The following PCDHGA6 variants were observed in gnomAD, a reference collection of about 807,000 sequenced individuals.
The protein encoded by PCDHGA6 is protocadherin gamma-A6.
A neutral mutation model predicts 60.6 loss-of-function variants in PCDHGA6; 41 were observed. The ratio of observed to expected loss-of-function variants is 0.68; its 90% confidence interval spans 0.53 to 0.88. The LOEUF (loss-of-function observed/expected upper bound fraction) is 0.88, where lower values mean the gene tolerates loss of function less well. Ranked by LOEUF, PCDHGA6 falls within the 40% of genes least tolerant of loss-of-function variation. PCDHGA6 has a pLI of 0.00. For synonymous variants in PCDHGA6, 594 were observed against 524.4 expected (o/e 1.13, Z -1.81); for missense variants, 1,312 against 1,203.0 (o/e 1.09, Z -1.34).
chr5:141,375,726 T>C lies in PCDHGA6; in HGVS notation c.1643T>C (p.Leu548Pro), dbSNP rs1771809693. The change falls in exon 1 of 4, where the codon CTG becomes CCG. Residue 548 changes from leucine (L) to proline (P), a missense_variant. Transcript: ENST00000517434. Reference sequence around the variant, plus strand: ...CCGCCTCTTAGCAGCAACGTGTCACTGAGCCTGTTTGTGCTGGACCAGAAT... The same window carrying C: ...CCGCCTCTTAGCAGCAACGTGTCACCGAGCCTGTTTGTGCTGGACCAGAAT... ...GDPPLSSNVS[L>P]SLFVLDQNDN... 1 of 1,614,262 alleles carries C rather than the reference T, an allele frequency of 6.2e-7. No individual in the cohort carries two copies. Among genetic ancestry groups the C allele is most frequent in the East Asian group, 2.2e-5 (1 of 44,884 alleles).
chr5:141,457,877 C>A (rs1488774514), intron 1 of PCDHGA6, among the ~76,000 whole-genome samples: 1 of 152,196 alleles, frequency 6.6e-6, no homozygotes, highest in Admixed American at 6.6e-5. Context: ...AGGTTAGGAA[C>A]CCTGTGTGGG....
intron 1 of PCDHGA6, chr5:141,409,996 G>A (rs1561724976): frequency 6.2e-7 from 1 of 1,613,132 alleles, no homozygotes; most frequent in Non-Finnish European, 8.5e-7. Context: ...ACGCCGACTC[G>A]GGACACAACG....
At chr5:141,409,745 T>C (rs968473065) in intron 1 of PCDHGA6, 8 of 1,613,074 alleles carry the variant, frequency 5.0e-6, no homozygotes, top group Non-Finnish European at 6.8e-6. Context: ...CGGGGTGGTG[T>C]TCGCGCAGCG....
At chr5:141,475,571 G>A (rs1426547386) in intron 1 of PCDHGA6, among the ~76,000 whole-genome samples, 1 of 152,212 alleles carries the variant, frequency 6.6e-6, no homozygotes, top group East Asian at 1.9e-4. Context: ...CTTCCAACAA[G>A]CCAGATTTGT....
chr5:141,408,240 C>T (rs1012868761), intron 1 of PCDHGA6: 89 of 1,578,820 alleles, frequency 5.6e-5, no homozygotes, highest in Non-Finnish European at 7.3e-5. Context: ...CGGGCCGGCC[C>T]GCGGCAGGTG....
intron 1 of PCDHGA6, among the ~76,000 whole-genome samples, chr5:141,444,058 C>A (rs2154560450): frequency 6.8e-6 from 1 of 147,774 alleles, no homozygotes; most frequent in East Asian, 2.0e-4. Context: ...CATCTTCAAT[C>A]TAGATTCTGA....
At position 141,482,865 on chromosome 5, in the gene PCDHGA6, A is replaced by G. The variant is rs557581796; in HGVS notation, c.2425-11942A>G. ...GGTGGGCAGATCACTTGAGGTCAGG[A>G]GTTTGAAACCAGCCTGGCCAACATG... On this transcript the variant is annotated intron_variant, in intron 1 of 3. Coordinates refer to ENST00000517434, the MANE Select transcript of PCDHGA6 (RefSeq NM_018919.3). Among the ~76,000 whole-genome samples, 66 of 152,206 alleles carry G rather than the reference A, an allele frequency of 4.3e-4. 1 individual carries two copies. Among genetic ancestry groups the G allele is most frequent in the African/African-American group, 1.5e-3 (61 of 41,516 alleles).
intron 1 of PCDHGA6, chr5:141,415,323 G>C: frequency 1.9e-6 from 3 of 1,614,236 alleles, no homozygotes; most frequent in South Asian, 2.2e-5. Flanking sequence ...TCGTGCTGCT[G>C]GCGCACAGGC....
chr5:141,379,967 T>C (rs1362425240), intron 1 of PCDHGA6, among the ~76,000 whole-genome samples: 1 of 142,578 alleles, frequency 7.0e-6, no homozygotes, highest in Non-Finnish European at 1.5e-5. Context: ...TGGTGTGATC[T>C]CTGCTCACTG....
At position 141,424,003 on chromosome 5, in the gene PCDHGA6, T is replaced by C. The variant is rs150506228; in HGVS notation, c.2424+47496T>C. 5.3e-3 allele frequency: 5,614 copies of C among 1,067,752 alleles called. 27 individuals carry two copies. The highest frequency in any genetic ancestry group is 0.01 in the Admixed American group (195 of 19,092). 66.1% of individuals were successfully genotyped at this position (1,067,752 alleles called of 1,614,324 possible). A position where few individuals can be genotyped will look rare whatever the true frequency, so the allele number is the denominator to read the frequency against. ...AGGCTCTCAATTTATTATATATAGA[T>C]ACAAATTAATGATTCACAAACACTT... On this transcript the variant is annotated intron_variant, in intron 1 of 3. Transcript: ENST00000517434.
Position 141,491,531 on chromosome 5 carries a change from T to G in PCDHGA6, c.2425-3276T>G, listed in dbSNP as rs532897059. On this transcript the variant is annotated intron_variant, in intron 1 of 3. Coordinates refer to ENST00000517434, the MANE Select transcript of PCDHGA6 (RefSeq NM_018919.3). This position sits in a 1 kb window ranked among gnomAD's most constrained non-coding sequence, Gnocchi z 6.9. ...ACGCTCAAGTACATGGAGGTGACGC[T>G]GCGGCCCACAGACTCGCAGAGCCAC... The G allele has an allele frequency of 6.2e-7, 1 of 1,614,044 alleles. No homozygotes were observed. The highest frequency in any genetic ancestry group is 1.7e-5 in the Admixed American group (1 of 60,028).
intron 1 of PCDHGA6, chr5:141,389,559 C>T (rs1388057704): frequency 1.2e-6 from 2 of 1,613,274 alleles, no homozygotes; most frequent in East Asian, 2.2e-5. Flanking sequence ...CAATGCGCCA[C>T]GGGTGCTGTA....
intron 1 of PCDHGA6, chr5:141,423,517 T>G (rs750915364): frequency 1.9e-6 from 3 of 1,613,716 alleles, no homozygotes; most frequent in Non-Finnish European, 2.5e-6. Flanking sequence ...CATTGCGGAC[T>G]CGCAGAAGAG....
At chr5:141,425,484 TA>T (rs929097245) in intron 1 of PCDHGA6, among the ~76,000 whole-genome samples, 1 of 152,258 alleles carries the variant, frequency 6.6e-6, no homozygotes, top group African/African-American at 2.4e-5. Context: ...TATGGCAACC[TA>T]CTAGGCTATA....
chr5:141,421,420 G>C, intron 1 of PCDHGA6: 1 of 1,614,084 alleles, frequency 6.2e-7, no homozygotes, highest in Non-Finnish European at 8.5e-7. Context: ...GAAGCGCGGA[G>C]TCCGCATCGT....
chr5:141,400,121 A>C lies in PCDHGA6; in HGVS notation c.2424+23614A>C. On this transcript the variant is annotated intron_variant, in intron 1 of 3. Coordinates refer to ENST00000517434, the MANE Select transcript of PCDHGA6 (RefSeq NM_018919.3). Reference sequence around the variant, plus strand: ...CACTTGGTCTTTGCTGACAGCTTGCAGGAGGTGCTGCCGGATATCACTGAC... The same window carrying C: ...CACTTGGTCTTTGCTGACAGCTTGCCGGAGGTGCTGCCGGATATCACTGAC... 1.2e-6 allele frequency: 2 copies of C among 1,614,054 alleles called. No individual in the cohort carries two copies. The highest frequency in any genetic ancestry group is 1.7e-6 in the Non-Finnish European group (2 of 1,179,890).
chr5:141,459,503 A>T (rs1346447458), intron 1 of PCDHGA6, among the ~76,000 whole-genome samples: 1 of 152,242 alleles, frequency 6.6e-6, no homozygotes, highest in Non-Finnish European at 1.5e-5. Flanking sequence ...AGTGATGTGA[A>T]CAATCATGTA....
chr5:141,450,251 C>T (rs2154563018), intron 1 of PCDHGA6, among the ~76,000 whole-genome samples: 1 of 152,200 alleles, frequency 6.6e-6, no homozygotes. Context: ...CTCCTGACCT[C>T]AAGTGATCTG....
intron 1 of PCDHGA6, chr5:141,391,108 A>G (rs1253319004): frequency 6.6e-6 from 1 of 152,138 alleles, no homozygotes; most frequent in African/African-American, 2.4e-5. Flanking sequence ...CTAAACTAAT[A>G]TAGCTAGAGG....
Sources: allele counts gnomAD v4.1 joint callset (sites outside exome capture counted in the v4.1 genomes callset), GRCh38; gene constraint gnomAD v4.1.1; non-coding constraint Gnocchi (gnomAD v3.1); transcripts MANE v1.5; gene names NCBI Gene and HGNC (gene_info 2026-07-23, HGNC 2026-07-21).